The following TSPAN16 variants were observed in gnomAD, a reference collection of about 807,000 sequenced individuals.
The protein encoded by TSPAN16 is tetraspanin 16, also known as tetraspanin-16.
In TSPAN16, 23 loss-of-function variants were observed where a neutral mutation model predicts 25.2. That is an observed-to-expected ratio of 0.91 (90% CI 0.66 to 1.29). The LOEUF (loss-of-function observed/expected upper bound fraction) is 1.29. Among genes scored for constraint, TSPAN16 ranks in the 50% most tolerant of loss-of-function variants. The pLI, the probability that TSPAN16 is intolerant of heterozygous loss-of-function variation, is 0.00. For missense variants in TSPAN16, 272 were observed against 299.9 expected (o/e 0.91, Z 0.69); for synonymous variants, 123 against 124.4 (o/e 0.99, Z 0.08).
At chr19:11,302,781 G>A (rs866434560) in intron 4 of TSPAN16, among the ~76,000 whole-genome samples, 1 of 150,710 alleles carries the variant, frequency 6.6e-6, no homozygotes, top group South Asian at 2.1e-4. Flanking sequence ...TGCGGTAAGG[G>A]GATCATGGCT....
exon 7 of TSPAN16, chr19:11,326,901 C>T (rs954571383): frequency 5.5e-6 from 3 of 544,332 alleles, no homozygotes; most frequent in Non-Finnish European, 9.8e-6. Context: ...TGAGCCACCA[C>T]GCTGGGCTTC....
rs138905729 is a variant in TSPAN16, at chr19:11,306,160, C to T, written c.451-444C>T. 3.7e-3 allele frequency among the ~76,000 whole-genome samples: 562 copies of T among 152,130 alleles called. 4 individuals are homozygous for T. The highest frequency in any genetic ancestry group is 0.013 in the African/African-American group (526 of 41,502). On this transcript the variant is annotated intron_variant, in intron 4 of 6. Transcript: ENST00000590327. ...GCGTGTGCCTGAAATCCCAGCTACT[C>T]GGGAGACTGAGGCAGGAGAATCACT...
rs2080502726 is a variant in TSPAN16 at position 11,298,303 on chromosome 19, T to C, written c.231T>C (p.Tyr77=). Residue 77 remains tyrosine, a synonymous_variant, in exon 2 of 7, where the codon TAT becomes TAC. Coordinates refer to ENST00000590327, the MANE Select transcript of TSPAN16 (RefSeq NM_001282509.2). ...TACTGCTTGGCTGTGCCGGGTGGTA[T>C]GGAGCGACTAAAGAGAGCAGAGGCA... The part of the protein sequence containing the change: ...ITVLLGCAGW[Y]GATKESRGTL... 6.2e-7 allele frequency: 1 copy of C among 1,614,148 alleles called. No individual in the cohort carries two copies.
chr19:11,318,656 C>CTTT (rs74180018), downstream of TSPAN16, among the ~76,000 whole-genome samples: 5 of 149,222 alleles, frequency 3.4e-5, no homozygotes, highest in Non-Finnish European at 7.5e-5. Context: ...TTTTCTTTTT[C>CTTT]TTTTTTTTTT....
chr19:11,308,720 G>A (rs1299976899), intron 5 of TSPAN16, among the ~76,000 whole-genome samples: 2 of 151,908 alleles, frequency 1.3e-5, no homozygotes, highest in Non-Finnish European at 2.9e-5. Context: ...TGATCCGCCC[G>A]CCTCGGCCTC....
At chr19:11,310,455 C>T (rs1348011935) in intron 5 of TSPAN16, among the ~76,000 whole-genome samples, 2 of 149,144 alleles carry the variant, frequency 1.3e-5, no homozygotes, top group Non-Finnish European at 3.0e-5. Context: ...GCGGAGGTTG[C>T]GGTGAGCCAA....
chr19:11,318,056 T>C (rs1292692143), downstream of TSPAN16, among the ~76,000 whole-genome samples: 2 of 151,892 alleles, frequency 1.3e-5, no homozygotes, highest in African/African-American at 4.8e-5. Context: ...AGACAGAGTC[T>C]CGCTCTGTCC....
At chr19:11,319,323 G>A (rs1305919595), downstream of TSPAN16, among the ~76,000 whole-genome samples, 2 of 152,144 alleles carry the variant, frequency 1.3e-5, no homozygotes, top group East Asian at 1.9e-4. Context: ...ACTCAGGCCA[G>A]GCGCAGTGGC....
chr19:11,312,337 A>T, intron 6 of TSPAN16, 115 bp downstream of exon 6: 1 of 544,964 alleles, frequency 1.8e-6, no homozygotes, highest in East Asian at 3.1e-5. Flanking sequence ...AAAAAAAAAA[A>T]AAGAAACTCA....
At chr19:11,326,219 T>TAA (rs57893701) in intron 6 of TSPAN16, among the ~76,000 whole-genome samples, 12,012 of 142,022 alleles carry the variant, frequency 0.085, 967 homozygotes, top group African/African-American at 0.22. Flanking sequence ...GAGATTCTAT[T>TAA]AAAAAAAAAA....
chr19:11,297,989 T>A (rs554376351), intron 1 of TSPAN16, among the ~76,000 whole-genome samples, 153 bp from the exon 2 acceptor site: 15 of 150,918 alleles, frequency 9.9e-5, no homozygotes, highest in Non-Finnish European at 1.5e-4. Flanking sequence ...ACAGATGAGG[T>A]CTTACCAAGC....
intron 6 of TSPAN16, among the ~76,000 whole-genome samples, chr19:11,326,052 C>A (rs1030080618): frequency 1.3e-4 from 20 of 152,034 alleles, no homozygotes; most frequent in African/African-American, 4.8e-4. Context: ...GAAACCCCAT[C>A]TCTACTAAAA....
intron 4 of TSPAN16, among the ~76,000 whole-genome samples, chr19:11,306,069 A>G (rs901833249): frequency 6.6e-6 from 1 of 152,150 alleles, no homozygotes; most frequent in Non-Finnish European, 1.5e-5. Context: ...GGAATTCGAG[A>G]CCAGCCTGGC....
intron 4 of TSPAN16, among the ~76,000 whole-genome samples, chr19:11,303,581 A>T (rs1026385163): frequency 9.6e-5 from 14 of 146,492 alleles, no homozygotes; most frequent in African/African-American, 1.8e-4. Context: ...ATAAATTAAA[A>T]AAAAAAAAAA....
In TSPAN16 at chr19:11,303,029, C is replaced by T. The variant is rs560555846; in HGVS notation, c.450+1721C>T. On this transcript the variant is annotated intron_variant, in intron 4 of 6. Transcript: ENST00000590327. ...TACTGGGAAGTGAGGAGCCCCTCTG[C>T]CCCGCCACCACCCCGTCTGGGAGGT... is the stretch of plus-strand genomic sequence containing the variant. Among the ~76,000 whole-genome samples the T allele has an allele frequency of 1.2e-4, 18 of 150,800 alleles. 1 individual carries two copies. The South Asian group carries it at 3.7e-3, about 31-fold the overall frequency.
intron 6 of TSPAN16, among the ~76,000 whole-genome samples, chr19:11,312,729 C>T (rs995725238): frequency 2.6e-5 from 4 of 152,006 alleles, no homozygotes; most frequent in Admixed American, 6.6e-5. Flanking sequence ...TGTCACTGCA[C>T]TCCATCCTGA....
downstream of TSPAN16, among the ~76,000 whole-genome samples, chr19:11,319,587 G>C (rs1188575842): frequency 6.6e-6 from 1 of 151,456 alleles, no homozygotes; most frequent in Non-Finnish European, 1.5e-5. Flanking sequence ...GACAGAGCGA[G>C]ACTCTGTCTC....
chr19:11,324,977 A>G (rs889092877), intron 6 of TSPAN16: 1 of 157,932 alleles, frequency 6.3e-6, no homozygotes, highest in Non-Finnish European at 1.4e-5. Flanking sequence ...TGTGCGAGGA[A>G]GATGAACCAT....
chr19:11,306,928 G>A (rs1178395813), intron 5 of TSPAN16, 172 bp downstream of exon 5: 6 of 573,346 alleles, frequency 1.0e-5, no homozygotes, highest in African/African-American at 3.8e-5. Flanking sequence ...TGATTCTCCC[G>A]CCCCAGCCTC....
Sources: gnomAD v4.1 joint callset for allele counts (sites outside exome capture counted in the v4.1 genomes callset) on GRCh38, gnomAD v4.1.1 for gene constraint, MANE v1.5 for transcripts, NCBI Gene and HGNC (gene_info 2026-07-23, HGNC 2026-07-21) for gene names.